Variants in CKMT1B observed in about 807,000 individuals in gnomAD.
The protein encoded by CKMT1B is creatine kinase U-type, mitochondrial.
In CKMT1B, 13 loss-of-function variants were observed where a neutral mutation model predicts 21.8. The ratio of observed to expected loss-of-function variants is 0.60; its 90% confidence interval spans 0.39 to 0.95. The LOEUF is 0.95. Ranked by LOEUF, CKMT1B falls within the 40% of genes least tolerant of loss-of-function variation. CKMT1B has a pLI of 0.00. For synonymous variants in CKMT1B, 50 were observed against 80.3 expected, an observed-to-expected ratio of 0.62 and a Z score of 2.02; for missense variants, 157 against 227.5, an observed-to-expected ratio of 0.69 and a Z score of 1.99.
At position 43,598,900 on chromosome 15, in the gene CKMT1B, C is replaced by T; in HGVS notation, c.1085C>T (p.Ala362Val). 3 of 1,609,346 alleles carry T rather than the reference C, an allele frequency of 1.9e-6. No homozygotes were observed. Among genetic ancestry groups the T allele is most frequent in the Non-Finnish European group, 2.5e-6 (3 of 1,179,628 alleles). The change falls in exon 8 of 9, where the codon GCT becomes GTT. Residue 362 changes from alanine to valine, a missense_variant. Transcript: ENST00000441322. ...KRGTGGVDTA[A>V]TGGVFDISNL... ...GGTACTGGAGGAGTGGACACTGCTGCTACAGGCGGTGTCTTTGATATTTCT... is the reference window on the plus strand; with the variant it reads ...GGTACTGGAGGAGTGGACACTGCTGTTACAGGCGGTGTCTTTGATATTTCT...
In CKMT1B at chr15:43,598,173, C is replaced by T. The variant is rs746437135; in HGVS notation, c.877-20C>T. ...TGAAATATCCCTGATTTTTCGTTAA[C>T]AAAACCTTTGTGGACTCAGGTGGAG... is the stretch of plus-strand genomic sequence containing the variant. On this transcript the variant is annotated intron_variant, in intron 6 of 8. Coordinates refer to ENST00000441322, the MANE Select transcript of CKMT1B (RefSeq NM_001375484.1). 5.0e-6 allele frequency: 8 copies of T among 1,608,720 alleles called. 2 individuals carry two copies. In the East Asian group the frequency reaches 6.9e-5, roughly 14 times the overall value.
Position 43,599,381 on chromosome 15 carries a change from T to C in CKMT1B, c.*108T>C, listed in dbSNP as rs2085645332. The C allele has an allele frequency of 1.2e-5, 18 of 1,556,108 alleles. 1 individual carries two copies. Among genetic ancestry groups the C allele is most frequent in the Non-Finnish European group, 1.5e-5 (17 of 1,139,770 alleles). On this transcript the variant is annotated 3_prime_UTR_variant, in exon 9 of 9. Transcript: ENST00000441322. The stretch of plus-strand genomic sequence containing the variant: ...GCCCCCGCATCCCCTGCCTCCATCC[T>C]AGTAAAGACTCCTTGCTATGCTGCA...
intron 6 of CKMT1B, chr15:43,597,336 C>A: frequency 1.5e-5 from 14 of 957,432 alleles, no homozygotes; most frequent in Non-Finnish European, 2.0e-5. Context: ...TCAGTTTCCT[C>A]ATCTGTAAAA....
At chr15:43,596,147 T>G in intron 4 of CKMT1B, 60 bp from the exon 5 acceptor site, 1 of 369,664 alleles carries the variant, frequency 2.7e-6, no homozygotes, top group Non-Finnish European at 4.5e-6. Flanking sequence ...AGACATGGGC[T>G]CTGAAAGGCC....
chr15:43,596,567 G>A lies in CKMT1B; in HGVS notation c.876+36G>A, dbSNP rs1340825660. On this transcript the variant is annotated intron_variant, in intron 6 of 8. Transcript: ENST00000441322. The stretch of plus-strand genomic sequence containing the variant: ...ACTATGTAGGGGAGCTAGGTGGGAG[G>A]ACATAAGGAAAACCAAAGAGTAGCA... The A allele has an allele frequency of 1.9e-5, 31 of 1,607,732 alleles. 1 individual carries two copies. Among genetic ancestry groups the A allele is most frequent in the Non-Finnish European group, 2.6e-5 (31 of 1,179,242 alleles).
Position 43,599,023 on chromosome 15 carries a change from C to G in CKMT1B, c.1137+71C>G, listed in dbSNP as rs1595955433. 66 of 1,599,096 alleles carry G rather than the reference C, an allele frequency of 4.1e-5. 1 individual carries two copies. The East Asian group carries it at 1.5e-3, about 35-fold the overall frequency. On this transcript the variant is annotated intron_variant, in intron 8 of 8. Transcript: ENST00000441322. The stretch of plus-strand genomic sequence containing the variant: ...GGGCCGAAATATGGCAGTGAGTGAG[C>G]CTCCGGGATGTAAGATAATCTGAAA...
Position 43,596,536 on chromosome 15 carries a change from G to A in CKMT1B, c.876+5G>A. 1 of 1,608,018 alleles carries A rather than the reference G, an allele frequency of 6.2e-7. No individual in the cohort carries two copies. The highest frequency in any genetic ancestry group is 8.5e-7 in the Non-Finnish European group (1 of 1,179,398). ...TTCTGCCGAGGCCTCAAAGAGGTTAGAGAAGACTATGTAGGGGAGCTAGGT... is the reference window on the plus strand; with the variant it reads ...TTCTGCCGAGGCCTCAAAGAGGTTAAAGAAGACTATGTAGGGGAGCTAGGT... On this transcript the variant is annotated splice_donor_5th_base_variant and intron_variant, in intron 6 of 8. Transcript: ENST00000441322.
Position 43,598,822 on chromosome 15 carries a change from T to G in CKMT1B, c.1012-5T>G, listed in dbSNP as rs1384938143. 1 of 1,604,484 alleles carries G rather than the reference T, an allele frequency of 6.2e-7. No homozygotes were observed. Among genetic ancestry groups the G allele is most frequent in the Non-Finnish European group, 8.5e-7 (1 of 1,177,076 alleles). On this transcript the variant is annotated splice_polypyrimidine_tract_variant and splice_region_variant and intron_variant, in intron 7 of 8. Transcript: ENST00000441322. ...CCCTGCTCCCAATCCCTATCTCCTC[T>G]CTAGGATAGCCGCTTCCCAAAGATC...
rs1192228643 is a variant in CKMT1B at position 43,598,178 on chromosome 15, C to T, written c.877-15C>T. On this transcript the variant is annotated splice_polypyrimidine_tract_variant and intron_variant, in intron 6 of 8. Coordinates refer to ENST00000441322, the MANE Select transcript of CKMT1B (RefSeq NM_001375484.1). ...TATCCCTGATTTTTCGTTAACAAAACCTTTGTGGACTCAGGTGGAGAGACT... is the reference window on the plus strand; with the variant it reads ...TATCCCTGATTTTTCGTTAACAAAATCTTTGTGGACTCAGGTGGAGAGACT... The T allele has an allele frequency of 3.1e-6, 5 of 1,608,690 alleles. 1 individual carries two copies. The Admixed American group carries it at 5.0e-5, about 16-fold the overall frequency.
In CKMT1B at chr15:43,596,226, A is replaced by T; in HGVS notation, c.686A>T (p.Lys229Met). 1 of 531,236 alleles carries T rather than the reference A, an allele frequency of 1.9e-6. No homozygotes were observed. The highest frequency in any genetic ancestry group is 3.3e-5 in the East Asian group (1 of 30,402). The allele number at this position is 531,236 out of a possible 1,614,324, so 32.9% of individuals were successfully genotyped here. The change falls in exon 5 of 9, where the codon AAG becomes ATG. Residue 229 changes from lysine to methionine, a missense_variant. By Grantham distance (95) the Lys-to-Met change is moderately conservative (BLOSUM62 -1). Transcript: ENST00000441322. Reference sequence around the variant, plus strand: ...TCCCAGGACCACTTTCTGTTTGATAAGCCTGTGTCCCCGTTGCTGACTGCA... The same window carrying T: ...TCCCAGGACCACTTTCTGTTTGATATGCCTGTGTCCCCGTTGCTGACTGCA... ...QLIDDHFLFDKPVSPLLTAAG... is the reference protein window; with the variant it reads ...QLIDDHFLFDMPVSPLLTAAG...
At chr15:43,597,855 A>C in intron 6 of CKMT1B, 5 of 1,226,378 alleles carry the variant, frequency 4.1e-6, no homozygotes, top group South Asian at 2.0e-5. Context: ...TAATCGATGC[A>C]TGCAGACCTC....
At chr15:43,596,380 T>C (rs1432860567) in intron 5 of CKMT1B, 28 bp from the exon 6 acceptor site, 1 of 1,525,874 alleles carries the variant, frequency 6.6e-7, no homozygotes, top group Non-Finnish European at 8.8e-7. Flanking sequence ...GCCTTGCCTC[T>C]TGATCACTGT....
intron 6 of CKMT1B, chr15:43,597,375 G>T: frequency 8.7e-7 from 1 of 1,143,232 alleles, no homozygotes; most frequent in Non-Finnish European, 1.1e-6. Context: ...CTACATTTTA[G>T]GTTGTTGTGG....
chr15:43,597,962 C>T (rs528907472), intron 6 of CKMT1B: 33 of 1,387,132 alleles, frequency 2.4e-5, no homozygotes, highest in Middle Eastern at 5.3e-4. Flanking sequence ...TCTTCTTCCA[C>T]ATAAGATATT....
At chr15:43,597,893 A>C in intron 6 of CKMT1B, 1 of 1,295,202 alleles carries the variant, frequency 7.7e-7, no homozygotes, top group Non-Finnish European at 9.8e-7. Flanking sequence ...CTCTCAGTTC[A>C]GTTTACCACC....
intron 6 of CKMT1B, 147 bp downstream of exon 6, chr15:43,596,678 T>A: frequency 7.8e-7 from 1 of 1,282,914 alleles, no homozygotes; most frequent in Non-Finnish European, 1.1e-6. Context: ...GGACTAAAGG[T>A]GTAAACCAGC....
In CKMT1B at chr15:43,596,272, G is replaced by A. The variant is rs955092272; in HGVS notation, c.732G>A (p.Trp244Ter). 5.7e-6 allele frequency: 4 copies of A among 704,982 alleles called. No homozygotes were observed. Among genetic ancestry groups the A allele is most frequent in the Non-Finnish European group, 6.5e-6 (3 of 460,968 alleles). The allele number at this position is 704,982 out of a possible 1,614,324, so 43.7% of individuals were successfully genotyped here. A position where few individuals can be genotyped will look rare whatever the true frequency, so the allele number is the denominator to read the frequency against. Reference protein sequence around the residue: ...LLTAAGMARDWPDARGIWHNN... With the variant: ...LLTAAGMARD ...CTGCAGCAGGAATGGCTCGAGACTG[G>A]CCAGATGCTCGTGGAATTTGGTATG... The change falls in exon 5 of 9, where the codon TGG becomes TGA. Residue 244 changes from tryptophan (W) to a stop codon, truncating the protein, a stop_gained. Coordinates refer to ENST00000441322, the MANE Select transcript of CKMT1B (RefSeq NM_001375484.1). LOFTEE classifies it high-confidence loss of function.
rs771547579 is a variant in CKMT1B at position 43,599,180 on chromosome 15, C to T, written c.1161C>T (p.Ile387=). The T allele has an allele frequency of 2.2e-5, 35 of 1,613,654 alleles. 1 individual carries two copies. Among genetic ancestry groups the T allele is most frequent in the South Asian group, 4.4e-5 (4 of 91,046 alleles). ...KSEVELVQLV[I]DGVNYLIDCE... is the part of the protein sequence containing the mutation. ...AGGTGGAGCTGGTGCAACTGGTCATCGATGGAGTAAACTATTTGATTGATT... is the reference window on the plus strand; with the variant it reads ...AGGTGGAGCTGGTGCAACTGGTCATTGATGGAGTAAACTATTTGATTGATT... The change falls in exon 9 of 9, where the codon ATC becomes ATT. Residue 387 remains isoleucine, a synonymous_variant. Transcript: ENST00000441322.
rs1175641123 is a variant in CKMT1B, at chr15:43,598,760, G to C, written c.1012-67G>C. ...GAGACAGAGCTCTGAGCAGGTTCAG[G>C]GCTCTTTCAGGTAGGACTAGTCTCT... On this transcript the variant is annotated intron_variant, in intron 7 of 8. Coordinates refer to ENST00000441322, the MANE Select transcript of CKMT1B (RefSeq NM_001375484.1). The C allele has an allele frequency of 2.0e-6, 3 of 1,515,720 alleles. No homozygotes were observed. The African/African-American group carries it at 4.4e-5, about 22-fold the overall frequency. The allele number at this position is 1,515,720 out of a possible 1,614,324, so 93.9% of individuals were successfully genotyped here. A position where few individuals can be genotyped will look rare whatever the true frequency, so the allele number is the denominator to read the frequency against.
Sources: allele counts gnomAD v4.1 joint callset, GRCh38; gene constraint gnomAD v4.1.1; transcripts MANE v1.5; gene names NCBI Gene and HGNC (gene_info 2026-07-23, HGNC 2026-07-21).